The following ENTPD2 variants were observed in gnomAD, a reference collection of about 807,000 sequenced individuals.
The protein encoded by ENTPD2 is CD39 antigen-like 1.
ENTPD2 carries 48 observed loss-of-function variants against 46.8 expected under a neutral mutation model. The observed-to-expected ratio is 1.03, with a 90% CI of 0.81 to 1.30. The LOEUF is 1.30. Ranked by LOEUF, ENTPD2 falls within the 50% of genes most tolerant of loss-of-function variation. ENTPD2 has a pLI of 0.00. For synonymous variants in ENTPD2, 316 were observed against 286.1 expected (o/e 1.10, Z -1.06); for missense variants, 707 against 651.1 (o/e 1.09, Z -0.93).
Position 137,048,938 on chromosome 9 carries a change from C to T in ENTPD2, c.1284+3G>A. 1 of 1,520,338 alleles carries T rather than the reference C, an allele frequency of 6.6e-7. No individual in the cohort carries two copies. The highest frequency in any genetic ancestry group is 8.8e-7 in the Non-Finnish European group (1 of 1,134,736). 94.2% of individuals were successfully genotyped at this position (1,520,338 alleles called of 1,614,324 possible). A position where few individuals can be genotyped will look rare whatever the true frequency, so the allele number is the denominator to read the frequency against. ...GGCCCCGCCCCGCCCCGCCCCAGCC[C>T]ACCTTCTTCTGGAAGATCACGCCGC... On this transcript the variant is annotated splice_donor_region_variant and intron_variant, in intron 8 of 8. Transcript: ENST00000355097.
intron 7 of ENTPD2, 42 bp from the exon 8 acceptor site, chr9:137,049,117 G>A: frequency 6.5e-7 from 1 of 1,531,608 alleles, no homozygotes; most frequent in Non-Finnish European, 8.7e-7. Context: ...CGACCACCAG[G>A]AGGTCTCGGC....
chr9:137,048,973 G>A lies in ENTPD2; in HGVS notation c.1252C>T (p.Arg418Cys). ...TGGAAGATCACGCCGCCGAAGGCGC[G>A]CTCGTCGAAGCCGTAGCCGCGACTC... ...LLSRGYGFDE[R>C]AFGGVIFQKK... The change falls in exon 8 of 9, where the codon CGC becomes TGC. Residue 418 changes from arginine to cysteine, a missense_variant. Transcript: ENST00000355097. 2.0e-6 allele frequency: 3 copies of A among 1,532,780 alleles called. No individual in the cohort carries two copies. Among genetic ancestry groups the A allele is most frequent in the Non-Finnish European group, 2.6e-6 (3 of 1,142,708 alleles). 94.9% of individuals were successfully genotyped at this position (1,532,780 alleles called of 1,614,324 possible).
chr9:137,051,775 C>A (rs994534362), intron 2 of ENTPD2, 115 bp from the exon 3 acceptor site: 1 of 1,416,702 alleles, frequency 7.1e-7, no homozygotes, highest in South Asian at 1.5e-5. Flanking sequence ...AGGTGGCACA[C>A]CTTCCCTGCT....
Position 137,051,279 on chromosome 9 carries a change from GGA to G in ENTPD2, c.476_477del (p.Ile159ThrfsTer53). 1.2e-6 allele frequency: 2 copies of G among 1,612,182 alleles called. No individual in the cohort carries two copies. The highest frequency in any genetic ancestry group is 1.7e-6 in the Non-Finnish European group (2 of 1,179,372). On this transcript the variant is annotated frameshift_variant, in exon 4 of 9. Coordinates refer to ENST00000355097, the MANE Select transcript of ENTPD2 (RefSeq NM_203468.3). LOFTEE classifies it high-confidence loss of function. Reference sequence around the variant, plus strand: ...AACACCCCCTCTTCCTGGCCCGAGAGGATGCGTGCACCCCGGAAGTCAAAGGG... The same window carrying G: ...AACACCCCCTCTTCCTGGCCCGAGAGTGCGTGCACCCCGGAAGTCAAAGGG... ...QYPFDFRGAR[I>X]LSGQEEGVFG...
At chr9:137,050,875 T>C (rs1433767392) in intron 5 of ENTPD2, 27 bp downstream of exon 5, 1 of 1,603,432 alleles carries the variant, frequency 6.2e-7, no homozygotes, top group Admixed American at 1.7e-5. Context: ...AACAGTGCAG[T>C]GCAGGTGAGC....
At chr9:137,053,122 C>CCCCAGAG (rs1167239363) in intron 1 of ENTPD2, 1 of 152,386 alleles carries the variant, frequency 6.6e-6, no homozygotes, top group African/African-American at 2.4e-5. Context: ...ACCAAGGCTT[C>CCCCAGAG]CCCAGAGCCC....
chr9:137,048,681 G>A lies in ENTPD2; in HGVS notation c.1464C>T (p.Ser488=), dbSNP rs1339649464. 1 of 1,601,394 alleles carries A rather than the reference G, an allele frequency of 6.2e-7. No individual in the cohort carries two copies. Among genetic ancestry groups the A allele is most frequent in the South Asian group, 1.1e-5 (1 of 89,396 alleles). Residue 488 remains serine (S), a synonymous_variant, in exon 9 of 9, where the codon TCC becomes TCT. Transcript: ENST00000355097. ...CCTAAATGGTGCTTGGCAGCTTGGC[G>A]GAGTGCACCTGACGCAGCAGCAGGA... ...ALVLLLRQVH[S]AKLPSTI
rs1460582023 is a variant in ENTPD2, at chr9:137,053,919, C to A, written c.79G>T (p.Val27Phe). The change falls in exon 1 of 9, where the codon GTC (valine) becomes TTC (phenylalanine). Residue 27 changes from valine (V) to phenylalanine (F), a missense_variant. Val to Phe is a conservative substitution (Grantham distance 50). Transcript: ENST00000355097. ...AGLAGLLLLC[V>F]PTRDVREPPA... ...GGCTCCCGGACGTCGCGGGTGGGGACGCACAGCAGTAGGAGGCCGGCGAGG... is the reference window on the plus strand; with the variant it reads ...GGCTCCCGGACGTCGCGGGTGGGGAAGCACAGCAGTAGGAGGCCGGCGAGG... 1 of 1,220,882 alleles carries A rather than the reference C, an allele frequency of 8.2e-7. No individual in the cohort carries two copies. Among genetic ancestry groups the A allele is most frequent in the Non-Finnish European group, 1.0e-6 (1 of 979,438 alleles). 75.6% of individuals were successfully genotyped at this position (1,220,882 alleles called of 1,614,324 possible).
rs1832311857 is a variant in ENTPD2 at position 137,052,221 on chromosome 9, T to C, written c.235+10A>G. 1 of 1,611,682 alleles carries C rather than the reference T, an allele frequency of 6.2e-7. No individual in the cohort carries two copies. The highest frequency in any genetic ancestry group is 1.3e-5 in the African/African-American group (1 of 74,998). ...AGTGGGCGTCCTGGCTGGGCTGGGCTGGGCCTCACCTGGAACATCACAGGA... is the reference window on the plus strand; with the variant it reads ...AGTGGGCGTCCTGGCTGGGCTGGGCCGGGCCTCACCTGGAACATCACAGGA... On this transcript the variant is annotated intron_variant, in intron 2 of 8. Coordinates refer to ENST00000355097, the MANE Select transcript of ENTPD2 (RefSeq NM_203468.3).
Position 137,048,607 on chromosome 9 carries a change from T to C in ENTPD2, c.*50A>G. On this transcript the variant is annotated 3_prime_UTR_variant, in exon 9 of 9. Transcript: ENST00000355097. Reference sequence around the variant, plus strand: ...TTGTGGGAGGGGTGGGAGTACGGGGTGGGGATACAGGGGTTGGGGGAGGGA... The same window carrying C: ...TTGTGGGAGGGGTGGGAGTACGGGGCGGGGATACAGGGGTTGGGGGAGGGA... 1 of 1,099,966 alleles carries C rather than the reference T, an allele frequency of 9.1e-7. No homozygotes were observed. The highest frequency in any genetic ancestry group is 4.5e-5 in the Admixed American group (1 of 22,130). The allele number at this position is 1,099,966 out of a possible 1,614,324, so 68.1% of individuals were successfully genotyped here.
At chr9:137,052,401 CTGACACCA>C in intron 1 of ENTPD2, 53 bp from the exon 2 acceptor site, 1 of 1,385,042 alleles carries the variant, frequency 7.2e-7, no homozygotes, top group Non-Finnish European at 1.0e-6. Flanking sequence ...CCCTGACACC[CTGACACCA>C]AACGTGAAGT....
intron 5 of ENTPD2, among the ~76,000 whole-genome samples, 161 bp from the exon 6 acceptor site, chr9:137,050,699 G>A (rs2131512921): frequency 6.6e-6 from 1 of 152,252 alleles, no homozygotes; most frequent in East Asian, 1.9e-4. Flanking sequence ...CCCCTGACCA[G>A]GCTCCCTCTG....
chr9:137,051,383 G>A lies in ENTPD2; in HGVS notation c.387-13C>T, dbSNP rs370985218. The A allele has an allele frequency of 4.5e-6, 7 of 1,544,258 alleles. No homozygotes were observed. Among genetic ancestry groups the A allele is most frequent in the Non-Finnish European group, 5.2e-6 (6 of 1,143,908 alleles). Reference sequence around the variant, plus strand: ...TGGATTGGTCAGGCTGCAAAACACAGAGAACTCCAAGAGGCCTTCTCCCCA... The same window carrying A: ...TGGATTGGTCAGGCTGCAAAACACAAAGAACTCCAAGAGGCCTTCTCCCCA... On this transcript the variant is annotated splice_polypyrimidine_tract_variant and intron_variant, in intron 3 of 8. Transcript: ENST00000355097.
In ENTPD2 at chr9:137,048,841, C is replaced by A; in HGVS notation, c.1304G>T (p.Gly435Val). Residue 435 changes from glycine (G) to valine (V), a missense_variant, in exon 9 of 9, where the codon GGC (glycine) becomes GTC (valine). Physicochemically the swap from Gly to Val is moderately radical, Grantham distance 109 (BLOSUM62 -3). Transcript: ENST00000355097. ...FQKKAADTAV[G>V]WALGYMLNLT... ...GTTCAGCATGTAGCCGAGCGCCCAG[C>A]CCACTGCAGTGTCCGCGGCCTGCGG... The A allele has an allele frequency of 6.5e-7, 1 of 1,547,004 alleles. No homozygotes were observed. The highest frequency in any genetic ancestry group is 8.7e-7 in the Non-Finnish European group (1 of 1,147,942).
chr9:137,052,169 G>A, intron 2 of ENTPD2, 62 bp downstream of exon 2: 2 of 1,462,940 alleles, frequency 1.4e-6, no homozygotes, highest in Admixed American at 1.7e-5. Context: ...GGCTAAGGCT[G>A]GAGAGGGTCC....
chr9:137,053,591 G>A (rs1490421795), intron 1 of ENTPD2, among the ~76,000 whole-genome samples: 3 of 152,250 alleles, frequency 2.0e-5, no homozygotes, highest in South Asian at 2.1e-4. Flanking sequence ...TCCCGGGAGC[G>A]GGGACACAGC....
At chr9:137,049,672 G>A (rs1240962135) in intron 7 of ENTPD2, 198 bp downstream of exon 7, 8 of 597,808 alleles carry the variant, frequency 1.3e-5, no homozygotes, top group South Asian at 6.5e-5. Flanking sequence ...CGGGCCTGGC[G>A]AAGCTTCTCC....
rs1327416064 is a variant in ENTPD2 at position 137,053,966 on chromosome 9, G to C, written c.32C>G (p.Pro11Arg). 8.2e-7 allele frequency: 1 copy of C among 1,222,192 alleles called. No homozygotes were observed. The highest frequency in any genetic ancestry group is 1.6e-5 in the African/African-American group (1 of 63,830). The allele number at this position is 1,222,192 out of a possible 1,614,324, so 75.7% of individuals were successfully genotyped here. Reference protein sequence around the residue: MAGKVRSLLPPLLLAAAGLAG... With the variant: MAGKVRSLLPRLLLAAAGLAG... ...GAGGCCCGCGGCGGCCAGCAGCAGC[G>C]GCGGCAGCAGTGACCGCACCTTCCC... is the stretch of plus-strand genomic sequence containing the variant. The change falls in exon 1 of 9, where the codon CCG becomes CGG. Residue 11 changes from proline to arginine, a missense_variant. Coordinates refer to ENST00000355097, the MANE Select transcript of ENTPD2 (RefSeq NM_203468.3).
At chr9:137,053,265 G>A (rs1370857275) in intron 1 of ENTPD2, 2 of 152,432 alleles carry the variant, frequency 1.3e-5, no homozygotes, top group Non-Finnish European at 2.9e-5. Flanking sequence ...CCAATAAAGG[G>A]TTAAAGGGGC....
Sources: allele counts gnomAD v4.1 joint callset (sites outside exome capture counted in the v4.1 genomes callset), GRCh38; gene constraint gnomAD v4.1.1; transcripts MANE v1.5; gene names NCBI Gene and HGNC (gene_info 2026-07-23, HGNC 2026-07-21).